The following KLHDC4 variants were observed in gnomAD, a reference collection of about 807,000 sequenced individuals.
KLHDC4 encodes kelch domain-containing protein 4.
A neutral mutation model predicts 62.4 loss-of-function variants in KLHDC4; 90 were observed. The ratio of observed to expected loss-of-function variants is 1.44; its 90% CI spans 1.22 to 1.72. The LOEUF (loss-of-function observed/expected upper bound fraction) is 1.72, where lower values mean the gene tolerates loss of function less well. Ranked by LOEUF, KLHDC4 falls within the 40% of genes most tolerant of loss-of-function variation. KLHDC4 has a pLI of 0.00. For synonymous variants in KLHDC4, 386 were observed against 284.4 expected, an observed-to-expected ratio of 1.36 and a Z score of -3.59; for missense variants, 1,025 against 699.7, an observed-to-expected ratio of 1.47 and a Z score of -5.25.
chr16:87,721,065 A>C (rs918792675), intron 7 of KLHDC4, among the ~76,000 whole-genome samples: 5 of 152,020 alleles, frequency 3.3e-5, no homozygotes, highest in African/African-American at 1.2e-4. Context: ...TCAACCCCCC[A>C]CAGCCAAGAC....
chr16:87,741,955 C>T (rs2042303933), intron 5 of KLHDC4, among the ~76,000 whole-genome samples: 1 of 152,228 alleles, frequency 6.6e-6, no homozygotes, highest in South Asian at 2.1e-4. Flanking sequence ...TCTTCCTGGA[C>T]TTCTCAAAAG....
At chr16:87,751,494 A>AT (rs397825191) in intron 4 of KLHDC4, among the ~76,000 whole-genome samples, 3 of 151,818 alleles carry the variant, frequency 2.0e-5, no homozygotes, top group Non-Finnish European at 4.4e-5. Context: ...GAAAAAAAAA[A>AT]TGAACTTTAT....
chr16:87,724,340 G>T (rs950030335), intron 7 of KLHDC4, among the ~76,000 whole-genome samples: 3 of 152,072 alleles, frequency 2.0e-5, no homozygotes, highest in African/African-American at 7.2e-5. Flanking sequence ...ATCACAGACC[G>T]CAATAATCAC....
chr16:87,703,683 G>T (rs1325258022), downstream of KLHDC4, among the ~76,000 whole-genome samples: 3 of 152,182 alleles, frequency 2.0e-5, no homozygotes, highest in Non-Finnish European at 4.4e-5. Flanking sequence ...GCTTGGAAGG[G>T]CTCTGAAGGT....
intron 5 of KLHDC4, among the ~76,000 whole-genome samples, chr16:87,745,083 G>A (rs752331879): frequency 6.6e-6 from 1 of 152,236 alleles, no homozygotes; most frequent in Admixed American, 6.5e-5. Flanking sequence ...ATAAGAGGAA[G>A]CATTTCTTTA....
Position 87,756,404 on chromosome 16 carries a change from G to A in KLHDC4, c.265C>T (p.Gln89Ter), listed in dbSNP as rs2044911380. 1.2e-6 allele frequency: 2 copies of A among 1,609,434 alleles called. No individual in the cohort carries two copies. Among genetic ancestry groups the A allele is most frequent in the African/African-American group, 1.3e-5 (1 of 74,742 alleles). ...ILFGGEYFNG[Q>*]KTFLYNELYV... ...GAAAAAAATATATACTTTACTTTTT[G>A]GCCGTTGAAATATTCACCTCCAAAA... Residue 89 changes from glutamine to a stop codon, truncating the protein, a stop_gained, in exon 3 of 12, where the codon CAA (glutamine) becomes TAA (stop). Coordinates refer to ENST00000270583, the MANE Select transcript of KLHDC4 (RefSeq NM_017566.4). LOFTEE classifies it high-confidence loss of function.
exon 1 of KLHDC4, chr16:87,702,399 G>A (rs1024232225): frequency 3.6e-5 from 14 of 384,656 alleles, no homozygotes; most frequent in Middle Eastern, 7.4e-4. Context: ...TGCCTGGCCC[G>A]TCCTGCACCC....
chr16:87,704,013 G>A (rs1469454), downstream of KLHDC4, among the ~76,000 whole-genome samples: 11,452 of 152,300 alleles, frequency 0.075, 625 homozygotes, highest in Admixed American at 0.18. Context: ...TTCCTTCCAT[G>A]CACAAAGGCA....
At chr16:87,712,620 G>A (rs544571905) in intron 8 of KLHDC4, among the ~76,000 whole-genome samples, 1 of 152,378 alleles carries the variant, frequency 6.6e-6, no homozygotes, top group East Asian at 1.9e-4. Context: ...ACTGAAAGAA[G>A]GCGTCTGTCC....
intron 7 of KLHDC4, among the ~76,000 whole-genome samples, chr16:87,717,628 T>C (rs895764721): frequency 3.3e-5 from 5 of 152,242 alleles, no homozygotes; most frequent in African/African-American, 9.6e-5. Flanking sequence ...GACTAGTCTC[T>C]TTTTGTAACA....
chr16:87,731,769 G>A (rs938410465), intron 5 of KLHDC4, among the ~76,000 whole-genome samples: 6 of 152,194 alleles, frequency 3.9e-5, no homozygotes, highest in Admixed American at 6.5e-5. Context: ...GTTTATACAC[G>A]CTCTTGTGTC....
intron 7 of KLHDC4, among the ~76,000 whole-genome samples, chr16:87,715,836 G>A (rs1032760876): frequency 3.9e-5 from 6 of 152,070 alleles, no homozygotes; most frequent in Admixed American, 2.0e-4. Context: ...CACAGACTTC[G>A]GCCACGCTAC....
chr16:87,758,036 GC>G (rs1388028961), intron 2 of KLHDC4, among the ~76,000 whole-genome samples: 2 of 152,198 alleles, frequency 1.3e-5, no homozygotes, highest in African/African-American at 4.8e-5. Flanking sequence ...GCTCCATAAT[GC>G]CAACTCCAAA....
chr16:87,734,580 A>T (rs1316367442), intron 5 of KLHDC4, among the ~76,000 whole-genome samples: 3 of 152,168 alleles, frequency 2.0e-5, no homozygotes, highest in Non-Finnish European at 4.4e-5. Context: ...CTTTCAATGT[A>T]TCACTGAAAA....
intron 4 of KLHDC4, among the ~76,000 whole-genome samples, chr16:87,749,488 AG>A (rs1373686922): frequency 2.2e-5 from 3 of 139,448 alleles, no homozygotes; most frequent in East Asian, 4.5e-4. Flanking sequence ...TGGGAGGTGG[AG>A]GGTGCAGTGA....
intron 2 of KLHDC4, chr16:87,757,473 A>C (rs1440012937): frequency 6.6e-6 from 1 of 151,870 alleles, no homozygotes; most frequent in Non-Finnish European, 1.5e-5. Context: ...TCTGAAAAAA[A>C]AAAAAAAAAG....
exon 1 of KLHDC4, chr16:87,701,830 C>A (rs781156257): frequency 1.1e-5 from 5 of 456,622 alleles, no homozygotes; most frequent in African/African-American, 1.0e-4. Flanking sequence ...GCTGCACCAC[C>A]ACTGCTCGTT....
chr16:87,733,213 G>A (rs1327893556), intron 5 of KLHDC4, among the ~76,000 whole-genome samples: 1 of 152,252 alleles, frequency 6.6e-6, no homozygotes, highest in East Asian at 1.9e-4. Context: ...TTCTACATGG[G>A]TGGTTCTCAG....
intron 1 of KLHDC4, among the ~76,000 whole-genome samples, chr16:87,762,539 T>C (rs892503534): frequency 1.3e-5 from 2 of 152,208 alleles, no homozygotes; most frequent in Non-Finnish European, 2.9e-5. Context: ...GTCTGATATA[T>C]TTCTCTTGCT....
Sources: allele counts gnomAD v4.1 joint callset (sites outside exome capture counted in the v4.1 genomes callset), GRCh38; gene constraint gnomAD v4.1.1; transcripts MANE v1.5; gene names NCBI Gene and HGNC (gene_info 2026-07-23, HGNC 2026-07-21).